SPRED2: variants seen among roughly 807,000 people sequenced by gnomAD.
SPRED2 encodes the protein sprouty related EVH1 domain containing 2.
In SPRED2, 47 loss-of-function variants were observed where a neutral mutation model predicts 43.0. That is an observed-to-expected ratio of 1.09 (90% CI 0.87 to 1.40). SPRED2 has a LOEUF of 1.40. Among genes scored for constraint, SPRED2 ranks in the 40% most tolerant of loss-of-function variants. The probability of loss-of-function intolerance (pLI) is 0.00; values close to 1 mark genes in which losing one functional copy is unlikely to be tolerated. For missense variants in SPRED2, 561 were observed against 586.4 expected (o/e 0.96, Z 0.45); for synonymous variants, 225 against 225.7 (o/e 1.00, Z 0.03).
At chr2:65,377,369 T>C (rs116002580) in intron 1 of SPRED2, among the ~76,000 whole-genome samples, 1,850 of 152,328 alleles carry the variant, frequency 0.012, 39 homozygotes, top group African/African-American at 0.042. Context: ...GGATAATGAA[T>C]GATGCATACG....
intron 1 of SPRED2, among the ~76,000 whole-genome samples, chr2:65,429,668 C>T (rs983646672): frequency 6.6e-6 from 1 of 152,232 alleles, no homozygotes; most frequent in Non-Finnish European, 1.5e-5. Context: ...TGGCAGTTTA[C>T]AGCCCACGAA....
chr2:65,384,251 C>T (rs1168531187), intron 1 of SPRED2, among the ~76,000 whole-genome samples: 2 of 152,008 alleles, frequency 1.3e-5, no homozygotes, highest in African/African-American at 2.4e-5. Flanking sequence ...TGCTGGCCTC[C>T]CTGGTCTCAC....
chr2:65,340,956 C>T (rs573220044), intron 2 of SPRED2, among the ~76,000 whole-genome samples: 4 of 151,442 alleles, frequency 2.6e-5, no homozygotes, highest in African/African-American at 7.3e-5. Flanking sequence ...CCCATGTGGG[C>T]GCATGGTCTC....
intron 2 of SPRED2, among the ~76,000 whole-genome samples, chr2:65,342,283 T>TTA (rs1337311623): frequency 7.4e-6 from 1 of 134,752 alleles, no homozygotes; most frequent in African/African-American, 2.8e-5. Context: ...TATACGTATA[T>TTA]TATGTATGTA....
intron 4 of SPRED2, among the ~76,000 whole-genome samples, chr2:65,322,294 A>ATTTTTTTT (rs1178902612): frequency 5.2e-4 from 34 of 64,932 alleles, no homozygotes; most frequent in African/African-American, 2.4e-3. Context: ...ATATATATAT[A>ATTTTTTTT]TTTTTTTTTT....
At chr2:65,385,885 A>G (rs970020955) in intron 1 of SPRED2, among the ~76,000 whole-genome samples, 3 of 152,156 alleles carry the variant, frequency 2.0e-5, no homozygotes, top group Non-Finnish European at 4.4e-5. Context: ...GGACATCCCA[A>G]ATAGCTTCCT....
chr2:65,408,956 C>T (rs951057015), intron 1 of SPRED2, among the ~76,000 whole-genome samples: 1 of 152,176 alleles, frequency 6.6e-6, no homozygotes, highest in Non-Finnish European at 1.5e-5. Flanking sequence ...AGTCCTTAGC[C>T]TGTGTGAGAC....
At chr2:65,349,632 A>C (rs1294595228) in intron 1 of SPRED2, among the ~76,000 whole-genome samples, 1 of 152,266 alleles carries the variant, frequency 6.6e-6, no homozygotes, top group South Asian at 2.1e-4. Flanking sequence ...GAGGGGATTA[A>C]GTAAACATGA....
At chr2:65,376,600 C>T (rs1675244310) in intron 1 of SPRED2, among the ~76,000 whole-genome samples, 3 of 152,132 alleles carry the variant, frequency 2.0e-5, no homozygotes, top group Non-Finnish European at 4.4e-5. Flanking sequence ...TTTGTGTATC[C>T]TTCTAGGGTT....
At position 65,368,654 on chromosome 2, in the gene SPRED2, T is replaced by C. The variant is rs141966100; in HGVS notation, c.27-23758A>G. 1.9e-3 allele frequency among the ~76,000 whole-genome samples: 287 copies of C among 152,178 alleles called. 1 individual carries two copies. The highest frequency in any genetic ancestry group is 6.3e-3 in the African/African-American group (261 of 41,492). The stretch of plus-strand genomic sequence containing the variant: ...GCAAAGATAGTAAAATGGTAACAAA[T>C]GGGGAAATGAGAATAGGGGAGTCCT... On this transcript the variant is annotated intron_variant, in intron 1 of 5. Transcript: ENST00000356388.
Position 65,354,021 on chromosome 2 carries a change from C to CA in SPRED2, c.27-9126dup, listed in dbSNP as rs548608257. On this transcript the variant is annotated intron_variant, in intron 1 of 5. Transcript: ENST00000356388. ...GCTGTGTCCTGTGACCCACAAGGGC[C>CA]AAAAAAAAGGAAATGAAGCAAAGAC... Among the ~76,000 whole-genome samples the CA allele has an allele frequency of 9.6e-4, 145 of 151,316 alleles. 1 individual carries two copies. In the South Asian group the frequency reaches 0.026, roughly 28 times the overall value.
At chr2:65,430,308 C>A (rs2103824508) in intron 1 of SPRED2, among the ~76,000 whole-genome samples, 1 of 152,200 alleles carries the variant, frequency 6.6e-6, no homozygotes, top group East Asian at 1.9e-4. Context: ...GGGACGTCTG[C>A]GACAGGCACA....
chr2:65,355,927 C>T (rs1452876660), intron 1 of SPRED2, among the ~76,000 whole-genome samples: 2 of 152,072 alleles, frequency 1.3e-5, no homozygotes, highest in African/African-American at 4.8e-5. Flanking sequence ...ACATTTAAAC[C>T]CCAAAGGCCA....
chr2:65,324,686 C>T (rs1283687307), intron 4 of SPRED2, among the ~76,000 whole-genome samples: 2 of 152,162 alleles, frequency 1.3e-5, no homozygotes, highest in East Asian at 3.9e-4. Flanking sequence ...AAGGCCACCT[C>T]TCTGACCAAG....
chr2:65,368,259 C>T (rs891333752), intron 1 of SPRED2, among the ~76,000 whole-genome samples: 1 of 152,188 alleles, frequency 6.6e-6, no homozygotes, highest in African/African-American at 2.4e-5. Flanking sequence ...TTGGGACAGT[C>T]CCATCCAACA....
intron 1 of SPRED2, among the ~76,000 whole-genome samples, chr2:65,358,336 C>T (rs1374135734): frequency 6.6e-6 from 1 of 152,142 alleles, no homozygotes; most frequent in Non-Finnish European, 1.5e-5. Flanking sequence ...GCTGGGTTTA[C>T]GCATCCACAA....
intron 4 of SPRED2, among the ~76,000 whole-genome samples, chr2:65,331,192 G>T (rs1009261348): frequency 6.6e-6 from 1 of 152,152 alleles, no homozygotes; most frequent in Non-Finnish European, 1.5e-5. Context: ...GAAGTTGGAG[G>T]ACTGCTTGAG....
intron 1 of SPRED2, among the ~76,000 whole-genome samples, chr2:65,415,016 T>A (rs1237462250): frequency 1.3e-5 from 2 of 152,240 alleles, no homozygotes; most frequent in Non-Finnish European, 2.9e-5. Flanking sequence ...CAGGCTGGTC[T>A]TGAATTCCTG....
intron 1 of SPRED2, among the ~76,000 whole-genome samples, chr2:65,430,976 G>A (rs1312671156): frequency 1.3e-5 from 2 of 152,022 alleles, no homozygotes; most frequent in Non-Finnish European, 2.9e-5. Flanking sequence ...CGGGCCCCGC[G>A]GCCCCGCCCC....
Sources: gnomAD v4.1 joint callset for allele counts (sites outside exome capture counted in the v4.1 genomes callset) on GRCh38, gnomAD v4.1.1 for gene constraint, MANE v1.5 for transcripts, NCBI Gene and HGNC (gene_info 2026-07-23, HGNC 2026-07-21) for gene names.